DIAPH2: variants seen among roughly 807,000 people sequenced by gnomAD.
DIAPH2 encodes the protein diaphanous related formin 2.
In DIAPH2, 35 loss-of-function variants were observed where a neutral mutation model predicts 92.7. That is an observed-to-expected ratio of 0.38 (90% CI 0.29 to 0.50). The LOEUF (loss-of-function observed/expected upper bound fraction) is 0.50, where lower values mean the gene tolerates loss of function less well. DIAPH2 is among the 20% of genes least tolerant of loss of function. DIAPH2 has a pLI of 0.94. For synonymous variants in DIAPH2, 301 were observed against 280.4 expected (o/e 1.07, Z -0.73); for missense variants, 701 against 819.5 (o/e 0.86, Z 1.77).
intron 23 of DIAPH2, among the ~76,000 whole-genome samples, chrX:97,310,229 A>G (rs1323647088): frequency 8.9e-6 from 1 of 112,383 alleles, no homozygotes; most frequent in Non-Finnish European, 1.9e-5. Context: ...TCATTCATTC[A>G]TTCAGCAAAA....
intron 25 of DIAPH2, among the ~76,000 whole-genome samples, chrX:97,386,226 A>G (rs933704333): frequency 1.8e-5 from 2 of 112,414 alleles, no homozygotes; most frequent in Admixed American, 1.9e-4. Context: ...GAATAGTATC[A>G]ACATAATTTA....
At position 96,942,021 on chromosome X, in the gene DIAPH2, A is replaced by T. The variant is rs140611748; in HGVS notation, c.1329A>T (p.Pro443=). Reference sequence around the variant, plus strand: ...GAGTACTTTCTCTCCTTTTCAGGCCACAATATTATAAAATAATTGAGGAAT... The same window carrying T: ...GAGTACTTTCTCTCCTTTTCAGGCCTCAATATTATAAAATAATTGAGGAAT... ...LLIRNDYYIR[P]QYYKIIEECV... is the part of the protein sequence containing the mutation. The change falls in exon 13 of 27, where the codon CCA becomes CCT. Residue 443 remains proline (P), a synonymous_variant. Transcript: ENST00000324765. The T allele has an allele frequency of 1.4e-5, 16 of 1,125,412 alleles. No individual in the cohort carries two copies. The highest frequency in any genetic ancestry group is 1.7e-5 in the Non-Finnish European group (14 of 820,980). 92.7% of individuals were successfully genotyped at this position (1,125,412 alleles called of 1,213,427 possible). A position where few individuals can be genotyped will look rare whatever the true frequency, so the allele number is the denominator to read the frequency against.
intron 17 of DIAPH2, among the ~76,000 whole-genome samples, chrX:97,046,949 G>T (rs1024277381): frequency 2.7e-5 from 3 of 111,010 alleles, no homozygotes; most frequent in Non-Finnish European, 5.7e-5. Flanking sequence ...TTCGGTGGTC[G>T]GGGTGTGATG....
chrX:97,217,673 C>T (rs746047989), intron 22 of DIAPH2, among the ~76,000 whole-genome samples: 1 of 112,393 alleles, frequency 8.9e-6, no homozygotes, highest in East Asian at 2.8e-4. Context: ...AAAGGCCGGG[C>T]GTGTTGGCTC....
At chrX:96,823,159 A>C (rs1187935893) in intron 4 of DIAPH2, among the ~76,000 whole-genome samples, 1 of 111,788 alleles carries the variant, frequency 8.9e-6, no homozygotes, top group Non-Finnish European at 1.9e-5. Context: ...GTAGAATAGT[A>C]CAACCTTTCT....
chrX:97,108,790 A>G (rs1440322787), intron 20 of DIAPH2, among the ~76,000 whole-genome samples: 1 of 112,143 alleles, frequency 8.9e-6, no homozygotes, highest in East Asian at 2.8e-4. Flanking sequence ...TAAATAAAGC[A>G]TGATATTTAC....
At chrX:97,250,393 G>A (rs143442342) in intron 23 of DIAPH2, among the ~76,000 whole-genome samples, 1,493 of 112,104 alleles carry the variant, frequency 0.013, 34 homozygotes, top group African/African-American at 0.046. Flanking sequence ...AGCAGCAATG[G>A]CATGATGGCT....
At chrX:96,718,873 G>A (rs947782115) in intron 1 of DIAPH2, among the ~76,000 whole-genome samples, 8 of 111,472 alleles carry the variant, frequency 7.2e-5, no homozygotes, top group African/African-American at 1.6e-4. Context: ...TCTCCGTAGC[G>A]GTTGTACTGA....
intron 3 of DIAPH2, among the ~76,000 whole-genome samples, chrX:96,750,939 G>A (rs908217557): frequency 9.8e-5 from 11 of 112,417 alleles, no homozygotes; most frequent in African/African-American, 3.6e-4. Flanking sequence ...GGTACCTTTT[G>A]TCAGTTGTTA....
chrX:97,250,414 T>C (rs979027280), intron 23 of DIAPH2, among the ~76,000 whole-genome samples: 5 of 112,161 alleles, frequency 4.5e-5, no homozygotes, highest in African/African-American at 1.6e-4. Context: ...TCAGGGCAAC[T>C]GAATATGCAG....
intron 26 of DIAPH2, among the ~76,000 whole-genome samples, chrX:97,508,815 C>G (rs761187281): frequency 1.8e-5 from 2 of 110,759 alleles, no homozygotes; most frequent in South Asian, 7.6e-4. Flanking sequence ...TCTGATTTGG[C>G]GCAGGACTTC....
intron 4 of DIAPH2, among the ~76,000 whole-genome samples, chrX:96,809,985 C>G (rs1450600733): frequency 8.9e-6 from 1 of 112,268 alleles, no homozygotes; most frequent in African/African-American, 3.2e-5. Context: ...CATACATGTG[C>G]ATGTGTCTTT....
At chrX:97,299,386 G>T (rs942581595) in intron 23 of DIAPH2, among the ~76,000 whole-genome samples, 3 of 111,556 alleles carry the variant, frequency 2.7e-5, no homozygotes, top group East Asian at 5.6e-4. Flanking sequence ...AGAGTGCTTG[G>T]TAGAAAATGC....
intron 26 of DIAPH2, among the ~76,000 whole-genome samples, chrX:97,487,352 G>A (rs1174850428): frequency 1.8e-5 from 2 of 110,991 alleles, no homozygotes; most frequent in African/African-American, 6.6e-5. Context: ...TCGGTTCACT[G>A]TAACCTCCAC....
intron 26 of DIAPH2, among the ~76,000 whole-genome samples, chrX:97,538,345 A>G (rs1040457327): frequency 9.0e-6 from 1 of 111,705 alleles, no homozygotes; most frequent in Non-Finnish European, 1.9e-5. Flanking sequence ...TGAATATTTT[A>G]TTTCTATCAT....
chrX:96,861,612 A>G (rs2147724719), intron 4 of DIAPH2, among the ~76,000 whole-genome samples: 1 of 111,718 alleles, frequency 9.0e-6, no homozygotes, highest in East Asian at 2.8e-4. Flanking sequence ...ACACAAATCT[A>G]AACATGTCAC....
intron 22 of DIAPH2, among the ~76,000 whole-genome samples, chrX:97,213,314 T>C (rs1211656970): frequency 1.8e-5 from 2 of 111,853 alleles, no homozygotes; most frequent in African/African-American, 6.5e-5. Context: ...AAAGACTGCT[T>C]CTTTCCTATT....
chrX:97,500,763 GATATAT>G (rs56041649), intron 26 of DIAPH2, among the ~76,000 whole-genome samples: 11,212 of 59,798 alleles, frequency 0.19, 958 homozygotes, highest in Middle Eastern at 0.21. Context: ...CATTCAAGGA[GATATAT>G]ATATATATAT....
intron 19 of DIAPH2, among the ~76,000 whole-genome samples, chrX:97,083,872 A>G (rs2066765033): frequency 9.0e-6 from 1 of 111,670 alleles, no homozygotes; most frequent in Non-Finnish European, 1.9e-5. Context: ...AATGGAAAGT[A>G]CTCATGTTAA....
Sources: gnomAD v4.1 joint callset for allele counts (sites outside exome capture counted in the v4.1 genomes callset) on GRCh38, gnomAD v4.1.1 for gene constraint, MANE v1.5 for transcripts, NCBI Gene and HGNC (gene_info 2026-07-23, HGNC 2026-07-21) for gene names.